Variants in CELF2 observed in about 807,000 individuals in gnomAD.
The protein encoded by CELF2 is CUG triplet repeat RNA-binding protein 2.
CELF2 carries 8 observed loss-of-function variants against 62.6 expected under a neutral mutation model. The observed-to-expected ratio is 0.13, with a 90% confidence interval of 0.07 to 0.23. CELF2 has a LOEUF of 0.23. CELF2 is among the 10% of genes least tolerant of loss of function. The probability of loss-of-function intolerance (pLI) is 1.00; values close to 1 mark genes in which losing one functional copy is unlikely to be tolerated. For missense variants in CELF2, 333 were observed against 671.0 expected, an observed-to-expected ratio of 0.50 and a Z score of 5.56; for synonymous variants, 258 against 250.0, an observed-to-expected ratio of 1.03 and a Z score of -0.30.
chr10:11,039,984 C>T lies in CELF2; in HGVS notation c.74+21821C>T, dbSNP rs932918. ...ATGTATTGATTATCTTTATGTGGAC[C>T]ATGACAAATTGATTTTTTAATTGAG... On this transcript the variant is annotated intron_variant, in intron 1 of 12. Transcript: ENST00000633077. The surrounding 1 kb of genome is among the most constrained non-coding windows in gnomAD (Gnocchi z 4.1). 0.34 allele frequency among the ~76,000 whole-genome samples: 51,538 copies of T among 151,978 alleles called. 11,000 individuals carry two copies. The highest frequency in any genetic ancestry group is 0.66 in the East Asian group (3,384 of 5,164).
At position 11,260,482 on chromosome 10, in the gene CELF2, A is replaced by G. The variant is rs1394843504; in HGVS notation, c.538+2610A>G. Among the ~76,000 whole-genome samples the G allele has an allele frequency of 6.6e-6, 1 of 152,204 alleles. No individual in the cohort carries two copies. The highest frequency in any genetic ancestry group is 1.5e-5 in the Non-Finnish European group (1 of 68,026). On this transcript the variant is annotated intron_variant, in intron 5 of 12. Transcript: ENST00000633077. The surrounding 1 kb of genome is among the most constrained non-coding windows in gnomAD (Gnocchi z 4.2). The stretch of plus-strand genomic sequence containing the variant: ...CATGGGAAAGAGCAGGACACGCAGT[A>G]CTTAACAAGAGAACTTAGCTAATTT...
the CELF2 span, among the ~76,000 whole-genome samples, chr10:10,713,933 G>T: frequency 1.3e-5 from 2 of 152,180 alleles, no homozygotes; most frequent in East Asian, 1.9e-4. Flanking sequence ...TTCTCAGGAG[G>T]CTGAGGCAGG....
the CELF2 span, among the ~76,000 whole-genome samples, chr10:10,681,843 T>C: frequency 6.6e-6 from 1 of 152,184 alleles, no homozygotes; most frequent in Non-Finnish European, 1.5e-5. Context: ...GAATTTTAAC[T>C]CATATAAAAC....
At chr10:10,908,205 T>C (rs897333310) in intron 1 of CELF2, among the ~76,000 whole-genome samples, 1 of 128,288 alleles carries the variant, frequency 7.8e-6, no homozygotes, top group Non-Finnish European at 1.6e-5. Context: ...TCAAAGAATG[T>C]ATGAGGGGAT....
At chr10:10,776,596 C>G in the CELF2 span, 1 of 162,414 alleles carries the variant, frequency 6.2e-6, no homozygotes, top group East Asian at 1.7e-4. Flanking sequence ...GTGTCAGCCA[C>G]AGACCCTGGC....
Position 10,924,270 on chromosome 10 carries a change from A to G in CELF2, c.89+4271A>G, listed in dbSNP as rs1000153753. ...GCACTCCAGCCTGGGCAACACAGCG[A>G]GACTCCGTCCCAAAAAAAAAAAAAA... On this transcript the variant is annotated intron_variant, in intron 2 of 13. Transcript: ENST00000636488. 1.5e-3 allele frequency among the ~76,000 whole-genome samples: 177 copies of G among 118,784 alleles called. 2 individuals are homozygous for G. Among genetic ancestry groups the G allele is most frequent in the Non-Finnish European group, 2.4e-3 (142 of 60,354 alleles). 77.9% of individuals were successfully genotyped at this position (118,784 alleles called of 152,430 possible).
At chr10:11,320,727 C>A in intron 10 of CELF2, 1 of 972,864 alleles carries the variant, frequency 1.0e-6, no homozygotes, top group Non-Finnish European at 1.5e-6. Flanking sequence ...AGTTTTATTT[C>A]ATCCTTTCCT....
chr10:10,544,802 G>A, the CELF2 span, among the ~76,000 whole-genome samples: 3 of 152,118 alleles, frequency 2.0e-5, no homozygotes, highest in South Asian at 4.1e-4. Flanking sequence ...GAAGAGTAAG[G>A]GATTGCTCAC....
chr10:11,096,960 A>C (rs1595158947), intron 1 of CELF2, among the ~76,000 whole-genome samples: 2 of 152,090 alleles, frequency 1.3e-5, no homozygotes, highest in African/African-American at 4.8e-5. Flanking sequence ...TCCTTTCTAT[A>C]TTACTAGTTC....
chr10:10,780,525 G>T, the CELF2 span, among the ~76,000 whole-genome samples: 1 of 152,148 alleles, frequency 6.6e-6, no homozygotes, highest in Non-Finnish European at 1.5e-5. Flanking sequence ...TCTGTTGCCT[G>T]GCTGGAGTGC....
intron 2 of CELF2, among the ~76,000 whole-genome samples, chr10:10,939,770 C>T (rs192808012): frequency 9.9e-5 from 15 of 151,522 alleles, no homozygotes; most frequent in Non-Finnish European, 1.9e-4. Context: ...CTGGCTAACA[C>T]GGTGAAACCC....
Position 11,246,855 on chromosome 10 carries a change from C to T in CELF2, c.355-2298C>T, listed in dbSNP as rs1268164233. On this transcript the variant is annotated intron_variant, in intron 3 of 12. Transcript: ENST00000633077. The surrounding 1 kb of genome is among the most constrained non-coding windows in gnomAD (Gnocchi z 4.6). ...CCCTGGCCCGTCTCTCGAGCCTGAG[C>T]CCCATGATTACAACTTCTGTCTGTA... is the stretch of plus-strand genomic sequence containing the variant. Among the ~76,000 whole-genome samples, 1 of 152,232 alleles carries T rather than the reference C, an allele frequency of 6.6e-6. No homozygotes were observed. Among genetic ancestry groups the T allele is most frequent in the African/African-American group, 2.4e-5 (1 of 41,462 alleles).
At chr10:10,492,263 C>T in the CELF2 span, among the ~76,000 whole-genome samples, 1 of 152,242 alleles carries the variant, frequency 6.6e-6, no homozygotes, top group South Asian at 2.1e-4. Flanking sequence ...CCAGCCTTGC[C>T]CCTCTTTTCC....
At chr10:10,907,181 G>T (rs1354029734) in intron 1 of CELF2, among the ~76,000 whole-genome samples, 2 of 152,020 alleles carry the variant, frequency 1.3e-5, no homozygotes, top group Admixed American at 6.6e-5. Flanking sequence ...CTTGCAACAG[G>T]CCCTAGAGAT....
the CELF2 span, among the ~76,000 whole-genome samples, chr10:10,728,124 T>C: frequency 6.6e-6 from 1 of 151,458 alleles, no homozygotes; most frequent in Non-Finnish European, 1.5e-5. Context: ...TGATTTTTTT[T>C]TTCTGATAAG....
intron 1 of CELF2, among the ~76,000 whole-genome samples, chr10:10,841,151 A>G (rs1257145390): frequency 6.6e-6 from 1 of 152,160 alleles, no homozygotes; most frequent in Non-Finnish European, 1.5e-5. Flanking sequence ...CAGTAAACAT[A>G]CGTGTGCATG....
chr10:10,877,184 A>G (rs2061154504), intron 1 of CELF2, among the ~76,000 whole-genome samples: 1 of 152,246 alleles, frequency 6.6e-6, no homozygotes, highest in South Asian at 2.1e-4. Context: ...TCAGGGCAGT[A>G]TGACTGACAA....
chr10:11,101,941 T>C (rs2051796830), intron 1 of CELF2, among the ~76,000 whole-genome samples: 1 of 152,232 alleles, frequency 6.6e-6, no homozygotes, highest in African/African-American at 2.4e-5. Flanking sequence ...GGAGAAAGCA[T>C]CAAACTCCCA....
the CELF2 span, among the ~76,000 whole-genome samples, chr10:10,679,424 A>T: frequency 2.6e-5 from 4 of 152,012 alleles, no homozygotes; most frequent in Admixed American, 2.0e-4. Flanking sequence ...CAAGTAGCTG[A>T]GAATACAGGC....
Sources: gnomAD v4.1 joint callset for allele counts (sites outside exome capture counted in the v4.1 genomes callset) on GRCh38, gnomAD v4.1.1 for gene constraint, Gnocchi (gnomAD v3.1) non-coding constraint, MANE v1.5 for transcripts, NCBI Gene and HGNC (gene_info 2026-07-23, HGNC 2026-07-21) for gene names.